Variants in PLD5 observed in about 807,000 individuals in gnomAD.
The protein encoded by PLD5 is phospholipase D family member 5.
In PLD5, 36 loss-of-function variants were observed where a neutral mutation model predicts 61.1. The ratio of observed to expected loss-of-function variants is 0.59; its 90% CI spans 0.45 to 0.78. The LOEUF (loss-of-function observed/expected upper bound fraction) is 0.78, where lower values mean the gene tolerates loss of function less well. Ranked by LOEUF, PLD5 falls within the 30% of genes least tolerant of loss-of-function variation. The pLI, the probability that PLD5 is intolerant of heterozygous loss-of-function variation, is 0.00. For synonymous variants in PLD5, 243 were observed against 242.8 expected (o/e 1.00, Z -0.01); for missense variants, 515 against 644.4 (o/e 0.80, Z 2.17).
At chr1:242,094,751 T>C (rs1660092154) in intron 9 of PLD5, among the ~76,000 whole-genome samples, 1 of 152,108 alleles carries the variant, frequency 6.6e-6, no homozygotes, top group African/African-American at 2.4e-5. Context: ...TAGGAGCTCT[T>C]CATACACTAT....
At chr1:242,114,429 T>C (rs1284769845) in intron 6 of PLD5, among the ~76,000 whole-genome samples, 2 of 152,110 alleles carry the variant, frequency 1.3e-5, no homozygotes, top group Non-Finnish European at 2.9e-5. Flanking sequence ...AAACATTCAA[T>C]ATCTTCCTTC....
At chr1:242,487,585 C>A (rs928270468) in intron 1 of PLD5, among the ~76,000 whole-genome samples, 1 of 152,034 alleles carries the variant, frequency 6.6e-6, no homozygotes, top group African/African-American at 2.4e-5. Context: ...GTTAAAGATA[C>A]TATCAAGAGA....
chr1:242,160,788 G>A (rs144400452), intron 5 of PLD5, among the ~76,000 whole-genome samples: 4 of 152,182 alleles, frequency 2.6e-5, no homozygotes, highest in African/African-American at 9.6e-5. Flanking sequence ...TGGAGGCTGA[G>A]GCAGGAGAAT....
At chr1:242,460,463 CAGA>C (rs1347690017) in intron 1 of PLD5, among the ~76,000 whole-genome samples, 5 of 152,178 alleles carry the variant, frequency 3.3e-5, no homozygotes, top group Non-Finnish European at 5.9e-5. Flanking sequence ...ATTACAAAAT[CAGA>C]AGGTCAAACT....
At chr1:242,389,035 C>CA (rs1354968562) in intron 1 of PLD5, among the ~76,000 whole-genome samples, 1 of 144,964 alleles carries the variant, frequency 6.9e-6, no homozygotes, top group African/African-American at 2.6e-5. Flanking sequence ...AGGCTGGTGA[C>CA]AGAGTGAGAC....
At chr1:242,198,850 A>G (rs2148950818) in intron 5 of PLD5, among the ~76,000 whole-genome samples, 1 of 151,154 alleles carries the variant, frequency 6.6e-6, no homozygotes, top group East Asian at 2.0e-4. Context: ...TTCTCCTGCC[A>G]CAGCCTCCTG....
intron 1 of PLD5, among the ~76,000 whole-genome samples, chr1:242,440,963 GCATT>G (rs1293468429): frequency 6.6e-6 from 1 of 152,142 alleles, no homozygotes; most frequent in African/African-American, 2.4e-5. Flanking sequence ...TGCCCATTCA[GCATT>G]ATTATAAATA....
intron 3 of PLD5, among the ~76,000 whole-genome samples, chr1:242,276,539 A>G (rs1674424624): frequency 6.7e-6 from 1 of 150,348 alleles, no homozygotes; most frequent in Non-Finnish European, 1.5e-5. Flanking sequence ...TTGGAGCTTA[A>G]GAGAGAGAGG....
At chr1:242,205,795 T>TATA (rs775029312) in intron 5 of PLD5, among the ~76,000 whole-genome samples, 2 of 152,212 alleles carry the variant, frequency 1.3e-5, no homozygotes, top group Non-Finnish European at 2.9e-5. Flanking sequence ...GCAGATGGAC[T>TATA]ATACAACAGT....
chr1:242,326,079 G>T (rs1330763894), intron 2 of PLD5, among the ~76,000 whole-genome samples: 1 of 152,022 alleles, frequency 6.6e-6, no homozygotes, highest in East Asian at 1.9e-4. Context: ...GTCTCATTAT[G>T]TTGTCCAGGC....
rs1673036754 is a variant in PLD5, at chr1:242,256,676, A to T, written c.607+8661T>A. Among the ~76,000 whole-genome samples the T allele has an allele frequency of 6.6e-6, 1 of 152,194 alleles. No individual in the cohort carries two copies. Among genetic ancestry groups the T allele is most frequent in the South Asian group, 2.1e-4 (1 of 4,836 alleles). ...AACTTCCAGACCCCAGAACTGTGAA[A>T]AAATAAGTGGCTGTTCTTTATAAAT... On this transcript the variant is annotated intron_variant, in intron 4 of 9. Coordinates refer to ENST00000536534, the MANE Select transcript of PLD5 (RefSeq NM_001372062.1). This position sits in a 1 kb window ranked among gnomAD's most constrained non-coding sequence, Gnocchi z 5.7.
chr1:242,430,457 C>T (rs1289541184), intron 1 of PLD5, among the ~76,000 whole-genome samples: 1 of 152,086 alleles, frequency 6.6e-6, no homozygotes, highest in Admixed American at 6.5e-5. Flanking sequence ...AGCTAATTAC[C>T]TCTCAAAGGA....
intron 3 of PLD5, among the ~76,000 whole-genome samples, chr1:242,273,736 A>G (rs975927222): frequency 1.3e-5 from 2 of 152,232 alleles, no homozygotes; most frequent in South Asian, 2.1e-4. Context: ...ATAATCCTAA[A>G]TACAATCACA....
At chr1:242,107,977 G>T in intron 7 of PLD5, 138 bp from the exon 8 acceptor site, 1 of 791,294 alleles carries the variant, frequency 1.3e-6, no homozygotes, top group Non-Finnish European at 1.8e-6. Context: ...CATCGGAGAG[G>T]CTGAAAAACA....
chr1:242,515,631 T>C (rs1669080837), intron 1 of PLD5, among the ~76,000 whole-genome samples: 1 of 152,250 alleles, frequency 6.6e-6, no homozygotes, highest in Non-Finnish European at 1.5e-5. Context: ...TAGATATATA[T>C]AAAATCTCTT....
intron 5 of PLD5, among the ~76,000 whole-genome samples, chr1:242,132,054 C>G (rs76842617): frequency 0.29 from 44,589 of 151,504 alleles, 6,693 homozygotes; most frequent in East Asian, 0.35. Flanking sequence ...TGGTCTTGAA[C>G]TCATGACCTC....
intron 1 of PLD5, among the ~76,000 whole-genome samples, chr1:242,458,726 A>G (rs1667019224): frequency 6.6e-6 from 1 of 152,030 alleles, no homozygotes; most frequent in African/African-American, 2.4e-5. Context: ...TAACATAATT[A>G]CCTGTGTTAA....
At chr1:242,317,578 AT>A (rs1269459009) in intron 2 of PLD5, among the ~76,000 whole-genome samples, 1 of 152,048 alleles carries the variant, frequency 6.6e-6, no homozygotes, top group African/African-American at 2.4e-5. Flanking sequence ...ATGAATGGTG[AT>A]TTTTTTTTAA....
intron 4 of PLD5, among the ~76,000 whole-genome samples, chr1:242,257,533 A>G (rs1197587470): frequency 2.0e-5 from 3 of 152,212 alleles, no homozygotes; most frequent in Non-Finnish European, 4.4e-5. Context: ...GATCACTGGC[A>G]ATAAGGAGCG....
Sources: allele counts gnomAD v4.1 joint callset (sites outside exome capture counted in the v4.1 genomes callset), GRCh38; gene constraint gnomAD v4.1.1; non-coding constraint Gnocchi (gnomAD v3.1); transcripts MANE v1.5; gene names NCBI Gene and HGNC (gene_info 2026-07-23, HGNC 2026-07-21).